Variants in TRAPPC9 observed in about 807,000 individuals in gnomAD.
TRAPPC9 encodes the protein IKK2 binding protein.
A neutral mutation model predicts 124.0 loss-of-function variants in TRAPPC9; 83 were observed. That is an observed-to-expected ratio of 0.67 (90% CI 0.56 to 0.80). The LOEUF (loss-of-function observed/expected upper bound fraction) is 0.80, where lower values mean the gene tolerates loss of function less well. Among genes scored for constraint, TRAPPC9 ranks in the 30% least tolerant of loss-of-function variants. TRAPPC9 has a pLI of 0.00. For missense variants in TRAPPC9, 1,302 were observed against 1,508.3 expected (o/e 0.86, Z 2.27); for synonymous variants, 638 against 617.5 (o/e 1.03, Z -0.49).
intron 17 of TRAPPC9, among the ~76,000 whole-genome samples, chr8:140,165,934 C>T (rs2061829465): frequency 6.6e-6 from 1 of 152,172 alleles, no homozygotes; most frequent in South Asian, 2.1e-4. Context: ...TCTGCTCACG[C>T]TGCTGCCTCT....
At chr8:140,330,838 CT>C (rs1441899509) in intron 9 of TRAPPC9, among the ~76,000 whole-genome samples, 1 of 152,094 alleles carries the variant, frequency 6.6e-6, no homozygotes, top group African/African-American at 2.4e-5. Context: ...AAACTTTCTG[CT>C]TTTTTCATTT....
intron 17 of TRAPPC9, among the ~76,000 whole-genome samples, chr8:140,073,201 A>G (rs142090926): frequency 6.6e-6 from 1 of 152,226 alleles, no homozygotes; most frequent in Admixed American, 6.5e-5. Flanking sequence ...AATAACTCCT[A>G]GTATTTCCAA....
intron 21 of TRAPPC9, among the ~76,000 whole-genome samples, chr8:139,857,626 G>A (rs1160457122): frequency 6.6e-6 from 1 of 152,202 alleles, no homozygotes; most frequent in Admixed American, 6.5e-5. Context: ...GCTCCGTATG[G>A]TGCCCTCTGA....
At chr8:139,983,301 T>G (rs949935250) in intron 19 of TRAPPC9, among the ~76,000 whole-genome samples, 1 of 152,144 alleles carries the variant, frequency 6.6e-6, no homozygotes, top group Admixed American at 6.6e-5. Context: ...TCCAGAACCA[T>G]GAGAAATAAT....
chr8:140,423,604 ACACAC>A (rs1289785450), intron 5 of TRAPPC9, among the ~76,000 whole-genome samples: 3 of 151,670 alleles, frequency 2.0e-5, no homozygotes, highest in East Asian at 1.9e-4. Context: ...ACACACACAC[ACACAC>A]ATCACATATA....
intron 19 of TRAPPC9, among the ~76,000 whole-genome samples, chr8:139,938,714 C>T (rs1306239892): frequency 1.3e-5 from 2 of 151,510 alleles, no homozygotes; most frequent in African/African-American, 4.9e-5. Flanking sequence ...GGCGCAATCT[C>T]GGCTCACTGC....
At chr8:140,058,407 G>T (rs967587131) in intron 17 of TRAPPC9, among the ~76,000 whole-genome samples, 1 of 152,022 alleles carries the variant, frequency 6.6e-6, no homozygotes, top group African/African-American at 2.4e-5. Context: ...ACCTCTTCCA[G>T]CCCCATGACT....
In TRAPPC9 at chr8:140,395,882, G is replaced by A. The variant is rs77909346; in HGVS notation, c.1134+1738C>T. On this transcript the variant is annotated intron_variant, in intron 7 of 22. Coordinates refer to ENST00000438773, the MANE Select transcript of TRAPPC9 (RefSeq NM_001160372.4). ...TTGCAGCTTGCCCTCCTCGGAGCCC[G>A]GCCTGACCATCGGGCACCTAACAGA... is the stretch of plus-strand genomic sequence containing the variant. Among the ~76,000 whole-genome samples, 605 of 151,994 alleles carry A rather than the reference G, an allele frequency of 4.0e-3. 3 individuals carry two copies. The highest frequency in any genetic ancestry group is 0.01 in the Middle Eastern group (3 of 294).
chr8:140,379,102 CTT>C (rs5895641), intron 7 of TRAPPC9, among the ~76,000 whole-genome samples: 197 of 145,404 alleles, frequency 1.4e-3, no homozygotes, highest in African/African-American at 4.4e-3. Context: ...TATTAACAGA[CTT>C]TTTTTTTTTT....
rs143752713 is a variant in TRAPPC9 at position 140,269,835 on chromosome 8, G to A, written c.2278+5823C>T. On this transcript the variant is annotated intron_variant, in intron 15 of 22. Transcript: ENST00000438773. ...CAAGGATGGTCGGGCACGGTCGCTC[G>A]TGCCTGTAATCCCAGCACTTTGGAA... Among the ~76,000 whole-genome samples the A allele has an allele frequency of 4.1e-3, 618 of 152,032 alleles. 5 individuals are homozygous for A. The highest frequency in any genetic ancestry group is 0.013 in the African/African-American group (552 of 41,480).
chr8:140,335,454 C>A (rs1203636437), intron 9 of TRAPPC9, among the ~76,000 whole-genome samples: 5 of 152,028 alleles, frequency 3.3e-5, no homozygotes, highest in African/African-American at 1.2e-4. Flanking sequence ...TTTAAGCTTC[C>A]CACACTAAGA....
intron 19 of TRAPPC9, among the ~76,000 whole-genome samples, chr8:139,911,080 A>G (rs1232755466): frequency 6.6e-6 from 1 of 152,052 alleles, no homozygotes. Flanking sequence ...TCTCATCTTG[A>G]GTTGTACTCC....
chr8:140,139,429 G>T (rs1358140639), intron 17 of TRAPPC9, among the ~76,000 whole-genome samples: 2 of 152,048 alleles, frequency 1.3e-5, no homozygotes, highest in Non-Finnish European at 2.9e-5. Context: ...TTCACACGGG[G>T]GTTATACCCA....
rs1157299824 is a variant in TRAPPC9 at position 140,225,226 on chromosome 8, GCCCCT to G, written c.2432-3648_2432-3644del. 2.6e-5 allele frequency among the ~76,000 whole-genome samples: 4 copies of G among 152,128 alleles called. No homozygotes were observed. The East Asian group carries it at 7.7e-4, about 29-fold the overall frequency. ...GAATTCTTGTCAGATTCACCATTAT[GCCCCT>G]CATAGTAGCTGATGCAGGCTCTAAC... On this transcript the variant is annotated intron_variant, in intron 16 of 22. Coordinates refer to ENST00000438773, the MANE Select transcript of TRAPPC9 (RefSeq NM_001160372.4).
At chr8:140,428,753 G>A (rs2070519318) in intron 4 of TRAPPC9, among the ~76,000 whole-genome samples, 2 of 152,154 alleles carry the variant, frequency 1.3e-5, no homozygotes, top group South Asian at 4.1e-4. Context: ...TACAAATCAA[G>A]TTCATCTAGA....
chr8:140,216,283 T>C lies in TRAPPC9; in HGVS notation c.2556+5176A>G, dbSNP rs772742340. Among the ~76,000 whole-genome samples the C allele has an allele frequency of 2.0e-5, 3 of 152,190 alleles. No homozygotes were observed. The highest frequency in any genetic ancestry group is 4.4e-5 in the Non-Finnish European group (3 of 68,030). On this transcript the variant is annotated intron_variant, in intron 17 of 22. Coordinates refer to ENST00000438773, the MANE Select transcript of TRAPPC9 (RefSeq NM_001160372.4). The surrounding 1 kb of genome is among the most constrained non-coding windows in gnomAD (Gnocchi z 4.1). The stretch of plus-strand genomic sequence containing the variant: ...ATTTTAATCATTACATTTAAATACA[T>C]GTACGAACATTCATCTCTATCTATA...
intron 17 of TRAPPC9, among the ~76,000 whole-genome samples, chr8:140,171,934 G>A (rs1191312394): frequency 6.6e-6 from 1 of 152,194 alleles, no homozygotes; most frequent in Non-Finnish European, 1.5e-5. Flanking sequence ...GGAGTATCTG[G>A]CGGCGTGAGG....
intron 3 of TRAPPC9, among the ~76,000 whole-genome samples, chr8:140,435,986 C>A (rs535510052): frequency 1.3e-5 from 2 of 152,272 alleles, no homozygotes; most frequent in South Asian, 2.1e-4. Flanking sequence ...GTGGGTTACA[C>A]CTGTAGATAT....
intron 17 of TRAPPC9, among the ~76,000 whole-genome samples, chr8:140,145,960 T>C (rs1358593889): frequency 6.6e-6 from 1 of 152,222 alleles, no homozygotes; most frequent in African/African-American, 2.4e-5. Context: ...TCAAGGCCAA[T>C]TCCTTTTCAA....
Sources: gnomAD v4.1 joint callset for allele counts (sites outside exome capture counted in the v4.1 genomes callset) on GRCh38, gnomAD v4.1.1 for gene constraint, Gnocchi (gnomAD v3.1) non-coding constraint, MANE v1.5 for transcripts, NCBI Gene and HGNC (gene_info 2026-07-23, HGNC 2026-07-21) for gene names.